DYNC1I1: variants seen among roughly 807,000 people sequenced by gnomAD.
DYNC1I1 encodes the protein dynein cytoplasmic 1 intermediate chain 1.
In DYNC1I1, 43 loss-of-function variants were observed where a neutral mutation model predicts 86.6. The ratio of observed to expected loss-of-function variants is 0.50; its 90% CI spans 0.39 to 0.64. DYNC1I1 has a LOEUF of 0.64. DYNC1I1 is among the 30% of genes least tolerant of loss of function. DYNC1I1 has a pLI of 0.00. For synonymous variants in DYNC1I1, 262 were observed against 283.7 expected, an observed-to-expected ratio of 0.92 and a Z score of 0.77; for missense variants, 604 against 788.8, an observed-to-expected ratio of 0.77 and a Z score of 2.81.
chr7:96,056,990 C>G (rs765721711), intron 14 of DYNC1I1, among the ~76,000 whole-genome samples: 3 of 152,166 alleles, frequency 2.0e-5, no homozygotes, highest in Non-Finnish European at 1.5e-5. Context: ...TCAAACACCT[C>G]CACCTGCATT....
intron 1 of DYNC1I1, among the ~76,000 whole-genome samples, chr7:95,785,773 G>GTA (rs1794118423): frequency 3.5e-5 from 2 of 56,438 alleles, no homozygotes; most frequent in Non-Finnish European, 7.1e-5. Context: ...ATGTGTGTAT[G>GTA]TGTATATATA....
chr7:95,872,460 G>A (rs144701650), intron 6 of DYNC1I1, among the ~76,000 whole-genome samples: 3 of 152,262 alleles, frequency 2.0e-5, no homozygotes, highest in African/African-American at 7.2e-5. Flanking sequence ...GGATTCTAGT[G>A]CATTCAAGTT....
At position 95,855,786 on chromosome 7, in the gene DYNC1I1, A is replaced by C. The variant is rs544687946; in HGVS notation, c.375-14097A>C. On this transcript the variant is annotated intron_variant, in intron 5 of 16. Transcript: ENST00000447467. ...AACATGGAAAAGGTACAGTAAAAAT[A>C]TGGTATAAAAGATAAAAAATGGTAT... Among the ~76,000 whole-genome samples, 12 of 152,326 alleles carry C rather than the reference A, an allele frequency of 7.9e-5. No homozygotes were observed. The South Asian group carries it at 1.9e-3, about 24-fold the overall frequency.
intron 6 of DYNC1I1, among the ~76,000 whole-genome samples, chr7:95,870,903 C>G (rs1420779437): frequency 6.6e-6 from 1 of 152,034 alleles, no homozygotes; most frequent in Non-Finnish European, 1.5e-5. Flanking sequence ...AAAGCAAATA[C>G]TCTTTTTACT....
chr7:96,072,132 C>T (rs1047948249), intron 14 of DYNC1I1, among the ~76,000 whole-genome samples: 1 of 152,184 alleles, frequency 6.6e-6, no homozygotes, highest in Non-Finnish European at 1.5e-5. Flanking sequence ...GAGTCAGGCA[C>T]ACAACGAACA....
chr7:96,089,641 G>A (rs780613807), intron 16 of DYNC1I1, among the ~76,000 whole-genome samples: 7 of 151,958 alleles, frequency 4.6e-5, no homozygotes, highest in Non-Finnish European at 8.8e-5. Context: ...AAGCATAACC[G>A]TTGATTCAAA....
chr7:95,886,561 CTGACTT>C lies in DYNC1I1; in HGVS notation c.490+16565_490+16570del, dbSNP rs1790598412. Among the ~76,000 whole-genome samples, 3 of 152,170 alleles carry C rather than the reference CTGACTT, an allele frequency of 2.0e-5. No individual in the cohort carries two copies. In the South Asian group the frequency reaches 6.2e-4, roughly 31 times the overall value. On this transcript the variant is annotated intron_variant, in intron 6 of 16. Transcript: ENST00000447467. ...AGCCAGAATTCACACTCAGTGCTTCCTGACTTTAAGTTTCTTCCCATGATGCCATTC... is the reference window on the plus strand; with the variant it reads ...AGCCAGAATTCACACTCAGTGCTTCCTAAGTTTCTTCCCATGATGCCATTC...
At chr7:95,967,119 G>A (rs762409554) in intron 6 of DYNC1I1, among the ~76,000 whole-genome samples, 19 of 152,078 alleles carry the variant, frequency 1.2e-4, no homozygotes, top group Non-Finnish European at 2.2e-4. Flanking sequence ...AATAATTAAT[G>A]GAGCCTACTC....
intron 16 of DYNC1I1, among the ~76,000 whole-genome samples, chr7:96,107,061 T>C (rs1206981377): frequency 2.0e-5 from 3 of 152,016 alleles, no homozygotes; most frequent in Admixed American, 6.6e-5. Context: ...GCGTCTCACT[T>C]GGTAGCCCAG....
intron 4 of DYNC1I1, among the ~76,000 whole-genome samples, chr7:95,817,035 T>C (rs750249103): frequency 5.3e-5 from 8 of 152,020 alleles, no homozygotes; most frequent in Non-Finnish European, 8.8e-5. Context: ...CCTCAGAAAG[T>C]GGTGAATTCC....
chr7:96,084,767 G>A (rs896546483), intron 16 of DYNC1I1, among the ~76,000 whole-genome samples: 3 of 152,034 alleles, frequency 2.0e-5, no homozygotes, highest in African/African-American at 7.3e-5. Flanking sequence ...TTAATGAGAA[G>A]GGCCACGACT....
rs1316249887 is a variant in DYNC1I1, at chr7:96,090,092, C to A, written c.1777-7391C>A. On this transcript the variant is annotated intron_variant, in intron 16 of 16. Coordinates refer to ENST00000447467, the MANE Select transcript of DYNC1I1 (RefSeq NM_001135556.2). Reference sequence around the variant, plus strand: ...TTTAGCATTTTCTCCATCTTTTGGGCAGAGAAATAGATTGTTCCAAATAGT... The same window carrying A: ...TTTAGCATTTTCTCCATCTTTTGGGAAGAGAAATAGATTGTTCCAAATAGT... 3.3e-5 allele frequency among the ~76,000 whole-genome samples: 5 copies of A among 151,974 alleles called. No individual in the cohort carries two copies. In the East Asian group the frequency reaches 7.7e-4, roughly 23 times the overall value.
chr7:95,980,413 G>A (rs1226079545), intron 7 of DYNC1I1, among the ~76,000 whole-genome samples: 1 of 151,330 alleles, frequency 6.6e-6, no homozygotes, highest in Non-Finnish European at 1.5e-5. Flanking sequence ...TTAGGGCTGT[G>A]TCAGCACTTC....
intron 5 of DYNC1I1, among the ~76,000 whole-genome samples, chr7:95,829,764 A>G (rs1442519861): frequency 6.6e-6 from 1 of 151,532 alleles, no homozygotes; most frequent in Non-Finnish European, 1.5e-5. Context: ...CTGCTGCATT[A>G]TACTTGAGAG....
intron 1 of DYNC1I1, among the ~76,000 whole-genome samples, chr7:95,775,771 TA>T (rs1793824494): frequency 6.6e-6 from 1 of 152,224 alleles, no homozygotes; most frequent in Admixed American, 6.5e-5. Context: ...TCTCTTTTAC[TA>T]GAAATCTTTG....
intron 2 of DYNC1I1, among the ~76,000 whole-genome samples, chr7:95,807,372 A>G (rs1393357778): frequency 6.6e-6 from 1 of 152,058 alleles, no homozygotes; most frequent in East Asian, 1.9e-4. Flanking sequence ...AGGAGTCTGG[A>G]GTTAAAAGGG....
Position 95,928,650 on chromosome 7 carries a change from G to A in DYNC1I1, c.491-48862G>A, listed in dbSNP as rs147785008. On this transcript the variant is annotated intron_variant, in intron 6 of 16. Transcript: ENST00000447467. ...TGGGCTTCAGTGTTAGTGCCGCCAGGTTCCAGCAGTGGCTGTTCTCTGTTG... is the reference window on the plus strand; with the variant it reads ...TGGGCTTCAGTGTTAGTGCCGCCAGATTCCAGCAGTGGCTGTTCTCTGTTG... Among the ~76,000 whole-genome samples the A allele has an allele frequency of 2.2e-3, 333 of 152,302 alleles. 1 individual carries two copies. The highest frequency in any genetic ancestry group is 7.7e-3 in the African/African-American group (319 of 41,564).
intron 6 of DYNC1I1, among the ~76,000 whole-genome samples, chr7:95,967,129 C>A (rs1162280221): frequency 2.0e-5 from 3 of 152,114 alleles, no homozygotes; most frequent in African/African-American, 7.2e-5. Flanking sequence ...GGAGCCTACT[C>A]CCAAGAATTT....
chr7:95,779,353 GT>G lies in DYNC1I1; in HGVS notation c.-10+6581del, dbSNP rs1793926760. 2.6e-5 allele frequency among the ~76,000 whole-genome samples: 4 copies of G among 152,182 alleles called. No homozygotes were observed. The South Asian group carries it at 8.3e-4, about 31-fold the overall frequency. ...AGATCAGATATCCCACTTACTGACT[GT>G]GTGAGCCTCAGTTTCTTCGTCTGTA... On this transcript the variant is annotated intron_variant, in intron 1 of 16. Coordinates refer to ENST00000447467, the MANE Select transcript of DYNC1I1 (RefSeq NM_001135556.2).
Sources: allele counts gnomAD v4.1 joint callset (sites outside exome capture counted in the v4.1 genomes callset), GRCh38; gene constraint gnomAD v4.1.1; transcripts MANE v1.5; gene names NCBI Gene and HGNC (gene_info 2026-07-23, HGNC 2026-07-21).